The following STAM2 variants were observed in gnomAD, a reference collection of about 807,000 sequenced individuals.
STAM2 encodes the protein signal transducing adaptor molecule 2.
A neutral mutation model predicts 65.6 loss-of-function variants in STAM2; 51 were observed. The ratio of observed to expected loss-of-function variants is 0.78; its 90% CI spans 0.62 to 0.98. STAM2 has a LOEUF of 0.98. STAM2 is among the 50% of genes least tolerant of loss of function. The pLI, the probability that STAM2 is intolerant of heterozygous loss-of-function variation, is 0.00. For synonymous variants in STAM2, 198 were observed against 208.4 expected, an observed-to-expected ratio of 0.95 and a Z score of 0.43; for missense variants, 584 against 617.8, an observed-to-expected ratio of 0.95 and a Z score of 0.58.
At chr2:152,159,921 G>C (rs1187458792) in intron 1 of STAM2, among the ~76,000 whole-genome samples, 1 of 152,240 alleles carries the variant, frequency 6.6e-6, no homozygotes, top group Non-Finnish European at 1.5e-5. Context: ...GGTGGAGACG[G>C]GGTTTCGCTG....
chr2:152,154,958 T>A (rs1320455275), intron 1 of STAM2, among the ~76,000 whole-genome samples: 2 of 150,594 alleles, frequency 1.3e-5, no homozygotes, highest in African/African-American at 5.0e-5. Context: ...GTATCTTTCA[T>A]ATTGGTGACT....
Position 152,135,491 on chromosome 2 carries a change from G to C in STAM2, c.799+18C>G, listed in dbSNP as rs200019901. On this transcript the variant is annotated intron_variant, in intron 8 of 13. Transcript: ENST00000263904. ...AAAAAACTTAAATAGATCTAATGTC[G>C]TCTAAGATTTAACTTACCTGCCTCA... The C allele has an allele frequency of 1.3e-6, 2 of 1,541,648 alleles. No homozygotes were observed. The highest frequency in any genetic ancestry group is 1.7e-5 in the Admixed American group (1 of 57,384).
intron 1 of STAM2, among the ~76,000 whole-genome samples, chr2:152,170,072 G>C (rs1440729633): frequency 6.6e-6 from 1 of 151,614 alleles, no homozygotes; most frequent in Non-Finnish European, 1.5e-5. Flanking sequence ...CCTGACCTCA[G>C]AAGATTTGTC....
At chr2:152,171,093 G>GT (rs1412262168) in intron 1 of STAM2, among the ~76,000 whole-genome samples, 14 of 152,272 alleles carry the variant, frequency 9.2e-5, no homozygotes, top group Admixed American at 5.9e-4. Flanking sequence ...TAGTATATTT[G>GT]TAAGTGTAGT....
At chr2:152,174,183 T>C (rs967583964) in intron 1 of STAM2, among the ~76,000 whole-genome samples, 1 of 152,218 alleles carries the variant, frequency 6.6e-6, no homozygotes. Flanking sequence ...GAAAAATTTA[T>C]ATTGAAGAAA....
intron 1 of STAM2, among the ~76,000 whole-genome samples, chr2:152,161,872 G>A (rs975392591): frequency 6.6e-5 from 10 of 152,064 alleles, no homozygotes; most frequent in Middle Eastern, 3.4e-3. Flanking sequence ...GCCCAGGCTG[G>A]AGTGAAATGG....
intron 1 of STAM2, among the ~76,000 whole-genome samples, chr2:152,162,182 T>C (rs565646586): frequency 5.3e-5 from 8 of 152,212 alleles, no homozygotes; most frequent in Admixed American, 3.9e-4. Flanking sequence ...GAATGACAGA[T>C]AGCAATTTAA....
chr2:152,142,929 G>A (rs189431078), intron 7 of STAM2, among the ~76,000 whole-genome samples: 1 of 152,282 alleles, frequency 6.6e-6, no homozygotes, highest in East Asian at 1.9e-4. Context: ...GGAGCCGCAG[G>A]ATAAGCCTTC....
At chr2:152,137,337 G>C (rs77404923) in intron 7 of STAM2, among the ~76,000 whole-genome samples, 2,614 of 152,270 alleles carry the variant, frequency 0.017, 66 homozygotes, top group African/African-American at 0.06. Context: ...TCAGACAGGA[G>C]AGAAATCGTA....
At chr2:152,140,004 C>T (rs775165689) in intron 7 of STAM2, among the ~76,000 whole-genome samples, 11 of 152,042 alleles carry the variant, frequency 7.2e-5, no homozygotes, top group Non-Finnish European at 1.3e-4. Flanking sequence ...CATTTTATAT[C>T]GAAGACTTGC....
At chr2:152,169,358 C>A (rs758210109) in intron 1 of STAM2, among the ~76,000 whole-genome samples, 1 of 152,046 alleles carries the variant, frequency 6.6e-6, no homozygotes, top group Non-Finnish European at 1.5e-5. Flanking sequence ...CTCACTGCAG[C>A]CTCAACCTCC....
chr2:152,160,101 T>A (rs1689634374), intron 1 of STAM2, among the ~76,000 whole-genome samples: 1 of 152,212 alleles, frequency 6.6e-6, no homozygotes, highest in Non-Finnish European at 1.5e-5. Flanking sequence ...CCCAGCCGCC[T>A]GCCTTGGCCT....
At chr2:152,144,423 A>G (rs553005652) in intron 6 of STAM2, among the ~76,000 whole-genome samples, 1 of 152,300 alleles carries the variant, frequency 6.6e-6, no homozygotes, top group South Asian at 2.1e-4. Context: ...AATTCATTTG[A>G]TAGCATGTCA....
At chr2:152,165,599 G>A (rs553329438) in intron 1 of STAM2, among the ~76,000 whole-genome samples, 5 of 152,196 alleles carry the variant, frequency 3.3e-5, no homozygotes, top group South Asian at 2.1e-4. Flanking sequence ...GGGGGGTGGC[G>A]CGGGATACAC....
chr2:152,133,285 C>A, intron 9 of STAM2, 25 bp from the exon 10 acceptor site: 1 of 1,576,954 alleles, frequency 6.3e-7, no homozygotes, highest in Non-Finnish European at 8.7e-7. Context: ...GGACACTTTT[C>A]AAAAACTCAA....
intron 7 of STAM2, among the ~76,000 whole-genome samples, chr2:152,137,493 T>C (rs1689177715): frequency 6.6e-6 from 1 of 152,228 alleles, no homozygotes; most frequent in Non-Finnish European, 1.5e-5. Context: ...CATGGATCTG[T>C]AGAAGTTCTT....
intron 2 of STAM2, 27 bp from the exon 3 acceptor site, chr2:152,148,327 A>G: frequency 6.6e-7 from 1 of 1,518,058 alleles, no homozygotes; most frequent in Non-Finnish European, 9.0e-7. Context: ...AGAGAGAGAC[A>G]GTTAAGTATT....
At chr2:152,160,128 T>A (rs1321247804) in intron 1 of STAM2, among the ~76,000 whole-genome samples, 1 of 152,194 alleles carries the variant, frequency 6.6e-6, no homozygotes, top group East Asian at 1.9e-4. Context: ...GTGCCAAGAT[T>A]GCAGCCTCTG....
At chr2:152,124,876 T>G (rs1348111834) in intron 12 of STAM2, among the ~76,000 whole-genome samples, 1 of 152,188 alleles carries the variant, frequency 6.6e-6, no homozygotes, top group Non-Finnish European at 1.5e-5. Flanking sequence ...ATATAACTAA[T>G]GTGTTACCCC....
Sources: gnomAD v4.1 joint callset for allele counts (sites outside exome capture counted in the v4.1 genomes callset) on GRCh38, gnomAD v4.1.1 for gene constraint, MANE v1.5 for transcripts, NCBI Gene and HGNC (gene_info 2026-07-23, HGNC 2026-07-21) for gene names.